Variants in TULP1 observed in about 807,000 individuals in gnomAD.
The protein encoded by TULP1 is tubby-related protein 1.
TULP1 carries 50 observed loss-of-function variants against 67.1 expected under a neutral mutation model. The ratio of observed to expected loss-of-function variants is 0.75; its 90% CI spans 0.59 to 0.94. The LOEUF (loss-of-function observed/expected upper bound fraction) is 0.94, where lower values mean the gene tolerates loss of function less well. Among genes scored for constraint, TULP1 ranks in the 40% least tolerant of loss-of-function variants. TULP1 has a pLI of 0.00. For missense variants in TULP1, 746 were observed against 734.1 expected, an observed-to-expected ratio of 1.02 and a Z score of -0.19; for synonymous variants, 297 against 294.0, an observed-to-expected ratio of 1.01 and a Z score of -0.11.
intron 8 of TULP1, among the ~76,000 whole-genome samples, chr6:35,506,807 A>G (rs950881652): frequency 9.2e-5 from 14 of 152,122 alleles, no homozygotes; most frequent in African/African-American, 3.1e-4. Flanking sequence ...CCAATCTCCT[A>G]TGAGGTCCAG....
At chr6:35,500,648 G>A (rs540565059) in intron 13 of TULP1, among the ~76,000 whole-genome samples, 8 of 152,272 alleles carry the variant, frequency 5.3e-5, no homozygotes, top group African/African-American at 9.6e-5. Context: ...GCCTGCTCAC[G>A]TTCATGGATT....
chr6:35,498,449 C>T lies in TULP1; in HGVS notation c.1507G>A (p.Val503Met). The part of the protein sequence containing the change: ...IVHADDPDYI[V>M]LQFGRVAEDA... ...TCCGCCACGCGGCCGAACTGCAGCACGATATAGTCGGCTATGGACACAAGA... is the reference window on the plus strand; with the variant it reads ...TCCGCCACGCGGCCGAACTGCAGCATGATATAGTCGGCTATGGACACAAGA... Residue 503 changes from valine to methionine, a missense_variant, in exon 15 of 15, where the codon GTG becomes ATG. Val to Met is a conservative substitution (Grantham distance 21, BLOSUM62 1). Around this residue, in one of 3 missense-constraint regions of TULP1, gnomAD observed 383 missense variants for 374.1 expected, o/e 1.02. Coordinates refer to ENST00000229771, the MANE Select transcript of TULP1 (RefSeq NM_003322.6). The surrounding 1 kb of genome is among the most constrained non-coding windows in gnomAD (Gnocchi z 6.7). 1 of 1,613,886 alleles carries T rather than the reference C, an allele frequency of 6.2e-7. No homozygotes were observed. Among genetic ancestry groups the T allele is most frequent in the Non-Finnish European group, 8.5e-7 (1 of 1,180,022 alleles).
rs138200747 is a variant in TULP1, at chr6:35,500,115, G to A, written c.1361C>T (p.Thr454Met). ...DGLLVRWQNK[T>M]LESLIELHNK... is the part of the protein sequence containing the mutation. ...GTGCAGTTCTATGAGGCTCTCCAGCGTCTTGTTCTGCCAGCGCACCAGCAG... is the reference window on the plus strand; with the variant it reads ...GTGCAGTTCTATGAGGCTCTCCAGCATCTTGTTCTGCCAGCGCACCAGCAG... Residue 454 changes from threonine to methionine, a missense_variant, in exon 14 of 15, where the codon ACG becomes ATG. By Grantham distance (81) the Thr-to-Met change is moderately conservative. Around this residue, in one of 3 missense-constraint regions of TULP1, gnomAD observed 383 missense variants for 374.1 expected, o/e 1.02. Transcript: ENST00000229771. 8.5e-5 allele frequency: 138 copies of A among 1,614,134 alleles called. 1 individual carries two copies. In the East Asian group the frequency reaches 9.4e-4, roughly 11 times the overall value.
At chr6:35,501,783 G>T (rs1441749180) in intron 13 of TULP1, among the ~76,000 whole-genome samples, 1 of 152,242 alleles carries the variant, frequency 6.6e-6, no homozygotes, top group African/African-American at 2.4e-5. Context: ...TTGCACTCCA[G>T]CCTGGGTTAC....
At position 35,503,446 on chromosome 6, in the gene TULP1, A is replaced by T; in HGVS notation, c.1323+113T>A. On this transcript the variant is annotated intron_variant, in intron 13 of 14. Coordinates refer to ENST00000229771, the MANE Select transcript of TULP1 (RefSeq NM_003322.6). This position sits in a 1 kb window ranked among gnomAD's most constrained non-coding sequence, Gnocchi z 4.0. ...GTCCATTCCCTAGGTGGCCAGAATG[A>T]ATTTGTGTTGGAGGGTGATGGATGT... 9.0e-7 allele frequency: 1 copy of T among 1,109,174 alleles called. No homozygotes were observed. Among genetic ancestry groups the T allele is most frequent in the Non-Finnish European group, 1.3e-6 (1 of 757,978 alleles). The allele number at this position is 1,109,174 out of a possible 1,614,324, so 68.7% of individuals were successfully genotyped here.
Position 35,506,123 on chromosome 6 carries a change from C to A in TULP1, c.879G>T (p.Glu293Asp), listed in dbSNP as rs780005757. Residue 293 changes from glutamate (E) to aspartate (D), a missense_variant, in exon 10 of 15, where the codon GAG (glutamate) becomes GAT (aspartate). Physicochemically the swap from Glu to Asp is conservative, Grantham distance 45. This residue lies in a region of TULP1 where 383 missense variants were observed against 374.1 expected (regional missense o/e 1.02). Coordinates refer to ENST00000229771, the MANE Select transcript of TULP1 (RefSeq NM_003322.6). The stretch of plus-strand genomic sequence containing the variant: ...CCTGGGGGGCAGGCCGGAGCACAAA[C>A]TCCCGGGGTTCGTCCACCTCCACGG... Reference protein sequence around the residue: ...SPPVEVDEPREFVLRPAPQGR... With the variant: ...SPPVEVDEPRDFVLRPAPQGR... 6.2e-7 allele frequency: 1 copy of A among 1,613,604 alleles called. No individual in the cohort carries two copies. Among genetic ancestry groups the A allele is most frequent in the Non-Finnish European group, 8.5e-7 (1 of 1,179,996 alleles).
intron 13 of TULP1, among the ~76,000 whole-genome samples, chr6:35,502,608 C>A (rs963241321): frequency 6.6e-6 from 1 of 151,936 alleles, no homozygotes; most frequent in African/African-American, 2.4e-5. Context: ...ATACTCCCTG[C>A]GTCAGCCTCC....
chr6:35,510,647 G>A, intron 5 of TULP1: 2 of 966,334 alleles, frequency 2.1e-6, no homozygotes, highest in Non-Finnish European at 3.0e-6. Flanking sequence ...CAGAGCTCAA[G>A]GGGCAGGGGC....
At position 35,500,169 on chromosome 6, in the gene TULP1, G is replaced by A; in HGVS notation, c.1324-17C>T. 6.2e-7 allele frequency: 1 copy of A among 1,613,574 alleles called. No homozygotes were observed. The highest frequency in any genetic ancestry group is 1.1e-5 in the South Asian group (1 of 91,076). ...GTCACTAGCCTGGGGTGCCCCAGGG[G>A]AGTAGACAGGGAGAGGACAGTTAGA... On this transcript the variant is annotated splice_polypyrimidine_tract_variant and intron_variant, in intron 13 of 14. Coordinates refer to ENST00000229771, the MANE Select transcript of TULP1 (RefSeq NM_003322.6).
Position 35,498,132 on chromosome 6 carries a change from C to G in TULP1, c.*195G>C, listed in dbSNP as rs1335557480. On this transcript the variant is annotated 3_prime_UTR_variant, in exon 15 of 15. Coordinates refer to ENST00000229771, the MANE Select transcript of TULP1 (RefSeq NM_003322.6). This position sits in a 1 kb window ranked among gnomAD's most constrained non-coding sequence, Gnocchi z 6.7. ...CAGATGTTCTTCATCTCCGTCCTAC[C>G]CGCCGTCCGGGCTCCTCCTGCCTCG... The G allele has an allele frequency of 1.5e-5, 13 of 880,430 alleles. No homozygotes were observed. The highest frequency in any genetic ancestry group is 2.2e-5 in the Non-Finnish European group (13 of 590,594). The allele number at this position is 880,430 out of a possible 1,614,324, so 54.5% of individuals were successfully genotyped here.
intron 2 of TULP1, 71 bp downstream of exon 2, chr6:35,512,568 C>A (rs1761232989): frequency 1.2e-6 from 2 of 1,603,298 alleles, no homozygotes; most frequent in African/African-American, 1.3e-5. Context: ...CACCCCTAGA[C>A]CCCCTACCCT....
intron 11 of TULP1, 94 bp downstream of exon 11, chr6:35,505,647 G>C: frequency 6.4e-7 from 1 of 1,568,674 alleles, no homozygotes; most frequent in Non-Finnish European, 8.6e-7. Context: ...TGCCCACTGT[G>C]GTGGGTGCTC....
intron 8 of TULP1, among the ~76,000 whole-genome samples, chr6:35,508,165 G>A (rs941297818): frequency 3.9e-5 from 6 of 152,200 alleles, no homozygotes; most frequent in African/African-American, 1.4e-4. Context: ...GTTTGAGGGA[G>A]GCTGATGTAG....
chr6:35,502,906 C>T (rs1474814366), intron 13 of TULP1, among the ~76,000 whole-genome samples: 2 of 152,068 alleles, frequency 1.3e-5, no homozygotes, highest in Admixed American at 6.5e-5. Flanking sequence ...ATGCCAGCTT[C>T]AGGGGGGCAG....
rs748027320 is a variant in TULP1, at chr6:35,512,265, G to A, written c.105C>T (p.Pro35=). 4.3e-6 allele frequency: 6 copies of A among 1,396,532 alleles called. No individual in the cohort carries two copies. Among genetic ancestry groups the A allele is most frequent in the Non-Finnish European group, 5.6e-6 (6 of 1,073,628 alleles). 86.5% of individuals were successfully genotyped at this position (1,396,532 alleles called of 1,614,324 possible). A position where few individuals can be genotyped will look rare whatever the true frequency, so the allele number is the denominator to read the frequency against. The change falls in exon 3 of 15, where the codon CCC becomes CCT. Residue 35 remains proline, a synonymous_variant. Coordinates refer to ENST00000229771, the MANE Select transcript of TULP1 (RefSeq NM_003322.6). ...PEAPRRPKQR[P]APAQRLRKKR... ...TCTTCCTTAGCCTCTGTGCCGGGGC[G>A]GGTCGCTGCGGAACGGGGGTCAAGA...
intron 13 of TULP1, among the ~76,000 whole-genome samples, chr6:35,501,637 C>T (rs1445949752): frequency 5.3e-5 from 8 of 150,962 alleles, no homozygotes; most frequent in Admixed American, 5.3e-4. Flanking sequence ...CATGGCAAAA[C>T]CGCGTCTCTA....
At chr6:35,508,458 C>T (rs951182375) in intron 8 of TULP1, among the ~76,000 whole-genome samples, 18 of 152,184 alleles carry the variant, frequency 1.2e-4, no homozygotes, top group African/African-American at 4.3e-4. Flanking sequence ...CCTGACCACT[C>T]CTGCACAAAC....
intron 13 of TULP1, among the ~76,000 whole-genome samples, chr6:35,502,621 A>G (rs1234234912): frequency 4.0e-5 from 6 of 151,668 alleles, no homozygotes; most frequent in Non-Finnish European, 1.5e-5. Flanking sequence ...CAGCCTCCTG[A>G]GTAAACAGGT....
intron 8 of TULP1, among the ~76,000 whole-genome samples, chr6:35,508,890 C>T (rs1378075177): frequency 1.3e-5 from 2 of 152,114 alleles, no homozygotes; most frequent in South Asian, 4.1e-4. Flanking sequence ...CCTGTGTGCT[C>T]CTCCTCCCTG....
Sources: allele counts gnomAD v4.1 joint callset (sites outside exome capture counted in the v4.1 genomes callset), GRCh38; gene constraint gnomAD v4.1.1; regional missense constraint gnomAD v4.1.1; non-coding constraint Gnocchi (gnomAD v3.1); transcripts MANE v1.5; gene names NCBI Gene and HGNC (gene_info 2026-07-23, HGNC 2026-07-21).